Variants in ZNF728 observed in about 807,000 individuals in gnomAD.
The protein encoded by ZNF728 is zinc finger protein 728.
A neutral mutation model predicts 12.5 loss-of-function variants in ZNF728; 12 were observed. The observed-to-expected ratio is 0.96, with a 90% CI of 0.61 to 1.55. ZNF728 has a LOEUF of 1.55. Among genes scored for constraint, ZNF728 ranks in the 40% most tolerant of loss-of-function variants. The probability of loss-of-function intolerance (pLI) is 0.00; values close to 1 mark genes in which losing one functional copy is unlikely to be tolerated. For missense variants in ZNF728, 692 were observed against 719.2 expected, an observed-to-expected ratio of 0.96 and a Z score of 0.43; for synonymous variants, 205 against 240.7, an observed-to-expected ratio of 0.85 and a Z score of 1.37.
At chr19:22,996,716 A>G (rs62124389) in intron 1 of ZNF728, among the ~76,000 whole-genome samples, 19,114 of 152,132 alleles carry the variant, frequency 0.13, 1,219 homozygotes, top group Non-Finnish European at 0.15. Context: ...GGTTTGTTTC[A>G]TTGTTAATAT....
intron 1 of ZNF728, among the ~76,000 whole-genome samples, chr19:22,997,657 G>T (rs879261429): frequency 1.3e-5 from 2 of 151,036 alleles, no homozygotes; most frequent in South Asian, 4.2e-4. Context: ...AACCAAAATC[G>T]GATCTGAACT....
intron 1 of ZNF728, among the ~76,000 whole-genome samples, chr19:22,996,225 T>A (rs1969049159): frequency 6.8e-6 from 1 of 147,536 alleles, no homozygotes; most frequent in Admixed American, 6.6e-5. Flanking sequence ...AATAACAATA[T>A]TAAAATAACT....
In ZNF728 at chr19:22,987,185, T is replaced by C. The variant is rs538407352; in HGVS notation, c.226+123A>G. 64 of 906,180 alleles carry C rather than the reference T, an allele frequency of 7.1e-5. No homozygotes were observed. The East Asian group carries it at 1.8e-3, about 26-fold the overall frequency. The allele number at this position is 906,180 out of a possible 1,614,324, so 56.1% of individuals were successfully genotyped here. A position where few individuals can be genotyped will look rare whatever the true frequency, so the allele number is the denominator to read the frequency against. On this transcript the variant is annotated intron_variant, in intron 3 of 3. Transcript: ENST00000594710. ...GTGAGAGAAAATTAAAAAATAAAAA[T>C]AAAAATTAGGCTTTCCAGAAACTAT... is the stretch of plus-strand genomic sequence containing the variant.
intron 3 of ZNF728, among the ~76,000 whole-genome samples, chr19:22,984,775 C>T (rs1447689306): frequency 1.3e-5 from 2 of 151,790 alleles, no homozygotes; most frequent in African/African-American, 4.8e-5. Context: ...GAAATAGAAA[C>T]AGTAACCCCA....
intron 3 of ZNF728, among the ~76,000 whole-genome samples, chr19:22,981,362 A>G (rs886751866): frequency 9.9e-5 from 15 of 152,228 alleles, no homozygotes; most frequent in African/African-American, 3.6e-4. Context: ...GGCCAATAAC[A>G]AGTTCTAAAA....
At chr19:22,977,836 C>T (rs1227065575) in intron 3 of ZNF728, among the ~76,000 whole-genome samples, 3 of 151,972 alleles carry the variant, frequency 2.0e-5, no homozygotes, top group East Asian at 3.9e-4. Flanking sequence ...GTCCAAATCT[C>T]AAAGATTACA....
chr19:22,980,130 C>T (rs1249180350), intron 3 of ZNF728, among the ~76,000 whole-genome samples: 1 of 135,220 alleles, frequency 7.4e-6, no homozygotes, highest in Non-Finnish European at 1.6e-5. Context: ...TGTGCAAAGA[C>T]ATACATAGAC....
intron 3 of ZNF728, among the ~76,000 whole-genome samples, chr19:22,982,045 A>C (rs289311): frequency 0.31 from 46,504 of 151,970 alleles, 9,233 homozygotes; most frequent in African/African-American, 0.57. Flanking sequence ...TCAGGCAAGA[A>C]AAAGAAATAA....
intron 1 of ZNF728, among the ~76,000 whole-genome samples, chr19:22,992,866 G>T (rs1182282011): frequency 6.6e-6 from 1 of 152,104 alleles, no homozygotes; most frequent in Non-Finnish European, 1.5e-5. Context: ...CATGACCCTG[G>T]GCTGATGGTC....
intron 3 of ZNF728, among the ~76,000 whole-genome samples, chr19:22,980,669 G>C (rs1361412652): frequency 6.6e-6 from 1 of 150,868 alleles, no homozygotes; most frequent in Non-Finnish European, 1.5e-5. Context: ...AATGGAAATC[G>C]TAACAGTCTC....
chr19:22,975,371 T>C lies in ZNF728; in HGVS notation c.*97A>G. The C allele has an allele frequency of 2.6e-6, 3 of 1,152,722 alleles. No homozygotes were observed. The South Asian group carries it at 4.5e-5, about 17-fold the overall frequency. 71.4% of individuals were successfully genotyped at this position (1,152,722 alleles called of 1,614,324 possible). A position where few individuals can be genotyped will look rare whatever the true frequency, so the allele number is the denominator to read the frequency against. ...TAAGGATTGAGGAACAGTTAAAAAA[T>C]TTGCCACATTCTTCACATTTGTAGG... On this transcript the variant is annotated 3_prime_UTR_variant, in exon 4 of 4. Transcript: ENST00000594710.
chr19:22,982,605 C>T (rs751947291), intron 3 of ZNF728, among the ~76,000 whole-genome samples: 3 of 151,940 alleles, frequency 2.0e-5, no homozygotes, highest in Non-Finnish European at 2.9e-5. Context: ...CTTGTAGTAT[C>T]GAACTACACT....
chr19:22,993,146 A>G (rs1051399619), intron 1 of ZNF728, among the ~76,000 whole-genome samples: 7 of 152,196 alleles, frequency 4.6e-5, no homozygotes, highest in African/African-American at 1.7e-4. Context: ...TTACTCCGGG[A>G]GCCTCTCACA....
At chr19:22,994,221 C>T (rs1198020292) in intron 1 of ZNF728, among the ~76,000 whole-genome samples, 2 of 152,142 alleles carry the variant, frequency 1.3e-5, no homozygotes, top group Non-Finnish European at 2.9e-5. Flanking sequence ...ATGATAGATA[C>T]CAAGTAGGCA....
chr19:22,990,877 G>A (rs1968979908), intron 1 of ZNF728, among the ~76,000 whole-genome samples: 1 of 152,112 alleles, frequency 6.6e-6, no homozygotes, highest in African/African-American at 2.4e-5. Context: ...TTCCTCTCAA[G>A]CTCTAACGAG....
chr19:22,982,058 G>T (rs1402845510), intron 3 of ZNF728, among the ~76,000 whole-genome samples: 1 of 152,052 alleles, frequency 6.6e-6, no homozygotes, highest in African/African-American at 2.4e-5. Context: ...AGAAATAAAA[G>T]GTATTCAAAT....
rs549078638 is a variant in ZNF728, at chr19:22,977,188, C to G, written c.227-78G>C. The G allele has an allele frequency of 6.2e-5, 82 of 1,319,840 alleles. No individual in the cohort carries two copies. The African/African-American group carries it at 7.7e-4, about 12-fold the overall frequency. The allele number at this position is 1,319,840 out of a possible 1,614,324, so 81.8% of individuals were successfully genotyped here. A position where few individuals can be genotyped will look rare whatever the true frequency, so the allele number is the denominator to read the frequency against. On this transcript the variant is annotated intron_variant, in intron 3 of 3. Coordinates refer to ENST00000594710, the MANE Select transcript of ZNF728 (RefSeq NM_001267716.2). ...TCCAAATTTAACCTATAAAATTATTCAAACTACATAAGCAAGATGACACTG... is the reference window on the plus strand; with the variant it reads ...TCCAAATTTAACCTATAAAATTATTGAAACTACATAAGCAAGATGACACTG...
chr19:22,996,280 A>G (rs1041174952), intron 1 of ZNF728, among the ~76,000 whole-genome samples: 33 of 152,214 alleles, frequency 2.2e-4, no homozygotes, highest in African/African-American at 7.7e-4. Flanking sequence ...TATTCATACT[A>G]TTGTAGAAAA....
At position 22,981,394 on chromosome 19, in the gene ZNF728, C is replaced by T. The variant is rs572632896; in HGVS notation, c.227-4284G>A. Among the ~76,000 whole-genome samples, 3 of 151,984 alleles carry T rather than the reference C, an allele frequency of 2.0e-5. No individual in the cohort carries two copies. In the South Asian group the frequency reaches 6.2e-4, roughly 32 times the overall value. ...AAAATTTAGGCAGTAATTATTAGCC[C>T]ATCAATAAAAAATGTCCAGGACCTG... On this transcript the variant is annotated intron_variant, in intron 3 of 3. Transcript: ENST00000594710.
Sources: gnomAD v4.1 joint callset for allele counts (sites outside exome capture counted in the v4.1 genomes callset) on GRCh38, gnomAD v4.1.1 for gene constraint, MANE v1.5 for transcripts, NCBI Gene and HGNC (gene_info 2026-07-23, HGNC 2026-07-21) for gene names.